Variants in RIPOR2 observed in about 807,000 individuals in gnomAD.
RIPOR2 encodes the protein rho family-interacting cell polarization regulator 2.
RIPOR2 carries 39 observed loss-of-function variants against 114.5 expected under a neutral mutation model. The ratio of observed to expected loss-of-function variants is 0.34; its 90% CI spans 0.26 to 0.44. RIPOR2 has a LOEUF of 0.44. Among genes scored for constraint, RIPOR2 ranks in the 20% least tolerant of loss-of-function variants. The pLI, the probability that RIPOR2 is intolerant of heterozygous loss-of-function variation, is 1.00. For missense variants in RIPOR2, 1,007 were observed against 1,255.1 expected (o/e 0.80, Z 2.99); for synonymous variants, 445 against 484.4 (o/e 0.92, Z 1.07).
At position 25,037,802 on chromosome 6, in the gene RIPOR2, G is replaced by A. The variant is rs947025497; in HGVS notation, c.76+4049C>T. ...AGTTTAATTTTGATGGAACCCAAACGGTTATTGAGTAGATGAGGTACCAGG... is the reference window on the plus strand; with the variant it reads ...AGTTTAATTTTGATGGAACCCAAACAGTTATTGAGTAGATGAGGTACCAGG... On this transcript the variant is annotated intron_variant, in intron 1 of 13. Coordinates refer to the RIPOR2 transcript ENST00000510784. This position sits in a 1 kb window ranked among gnomAD's most constrained non-coding sequence, Gnocchi z 4.5. Among the ~76,000 whole-genome samples, 3 of 151,748 alleles carry A rather than the reference G, an allele frequency of 2.0e-5. No individual in the cohort carries two copies. Among genetic ancestry groups the A allele is most frequent in the East Asian group, 1.9e-4 (1 of 5,206 alleles).
chr6:24,846,301 C>CTTT lies in RIPOR2; in HGVS notation c.1164+1721_1164+1723dup, dbSNP rs1233193249. Among the ~76,000 whole-genome samples the CTTT allele has an allele frequency of 7.1e-3, 649 of 91,434 alleles. 10 individuals carry two copies. The highest frequency in any genetic ancestry group is 0.02 in the East Asian group (48 of 2,396). 60.0% of individuals were successfully genotyped at this position (91,434 alleles called of 152,430 possible). A position where few individuals can be genotyped will look rare whatever the true frequency, so the allele number is the denominator to read the frequency against. On this transcript the variant is annotated intron_variant, in intron 12 of 21. Coordinates refer to ENST00000643898, the MANE Select transcript of RIPOR2 (RefSeq NM_001286445.3). ...GTTTAGCCTGGTCCTTTTCACCTGC[C>CTTT]TTTTTTTTTTTTTTTTTTTTTTTGA...
chr6:24,863,463 T>A (rs555877025), intron 7 of RIPOR2, among the ~76,000 whole-genome samples: 2 of 152,338 alleles, frequency 1.3e-5, no homozygotes, highest in East Asian at 3.9e-4. Context: ...ATTCTGCTGG[T>A]CAGTTATCTG....
Position 24,883,926 on chromosome 6 carries a change from C to T in RIPOR2, c.62-8109G>A, listed in dbSNP as rs1766569697. On this transcript the variant is annotated intron_variant, in intron 1 of 21. Transcript: ENST00000643898. This position sits in a 1 kb window ranked among gnomAD's most constrained non-coding sequence, Gnocchi z 4.1. Reference sequence around the variant, plus strand: ...AAAAGCAGATGTATAATTGACTTGTCTGAAAGAGGCATGTGGGCCAGATGT... The same window carrying T: ...AAAAGCAGATGTATAATTGACTTGTTTGAAAGAGGCATGTGGGCCAGATGT... 1.3e-5 allele frequency among the ~76,000 whole-genome samples: 2 copies of T among 152,132 alleles called. No individual in the cohort carries two copies. Among genetic ancestry groups the T allele is most frequent in the African/African-American group, 4.8e-5 (2 of 41,420 alleles).
chr6:24,830,409 T>A, intron 17 of RIPOR2, 100 bp downstream of exon 17: 3 of 935,810 alleles, frequency 3.2e-6, no homozygotes, highest in South Asian at 3.3e-5. Context: ...GTTTCCCATC[T>A]GCAGGCAAGT....
chr6:24,954,737 T>G (rs1038878603), intron 1 of RIPOR2, among the ~76,000 whole-genome samples: 2 of 152,126 alleles, frequency 1.3e-5, no homozygotes, highest in African/African-American at 2.4e-5. Context: ...TGTGAACCAC[T>G]GCACTCAGCC....
chr6:25,018,599 C>T (rs1776138651), intron 1 of RIPOR2, among the ~76,000 whole-genome samples: 1 of 152,194 alleles, frequency 6.6e-6, no homozygotes, highest in Admixed American at 6.5e-5. Flanking sequence ...GAATTTTCCA[C>T]ATTTTGGTTT....
chr6:24,991,848 C>T (rs556071779), intron 1 of RIPOR2, among the ~76,000 whole-genome samples: 10 of 152,318 alleles, frequency 6.6e-5, no homozygotes, highest in Admixed American at 1.3e-4. Flanking sequence ...AACCTGCTTA[C>T]TCCAGACCTT....
intron 1 of RIPOR2, among the ~76,000 whole-genome samples, chr6:25,001,854 C>A (rs1358386615): frequency 6.6e-6 from 1 of 151,384 alleles, no homozygotes. Context: ...CGCGTGCCAC[C>A]ATGCCTGGCT....
intron 1 of RIPOR2, chr6:25,031,145 G>T: frequency 6.6e-6 from 1 of 152,488 alleles, no homozygotes; most frequent in Non-Finnish European, 1.5e-5. Context: ...GTGGTCCCTC[G>T]CTCCCAGGAG....
At chr6:24,873,297 A>G (rs1765395199) in intron 3 of RIPOR2, among the ~76,000 whole-genome samples, 1 of 152,248 alleles carries the variant, frequency 6.6e-6, no homozygotes. Context: ...TGAATGTCCC[A>G]TTGCACACTA....
intron 1 of RIPOR2, among the ~76,000 whole-genome samples, chr6:25,028,752 T>C (rs1395253993): frequency 1.3e-5 from 2 of 152,348 alleles, no homozygotes; most frequent in East Asian, 3.9e-4. Context: ...AATGAGATAA[T>C]GCATGTGAAA....
At chr6:24,880,534 A>G (rs1766245628) in intron 1 of RIPOR2, among the ~76,000 whole-genome samples, 1 of 152,192 alleles carries the variant, frequency 6.6e-6, no homozygotes, top group African/African-American at 2.4e-5. Flanking sequence ...TATTTTTCAT[A>G]TAATGTAAAA....
intron 1 of RIPOR2, among the ~76,000 whole-genome samples, chr6:24,999,730 G>C (rs1264285282): frequency 6.6e-6 from 1 of 151,800 alleles, no homozygotes; most frequent in Non-Finnish European, 1.5e-5. Flanking sequence ...TAATTTTTTT[G>C]TATTTTTAGT....
chr6:24,994,572 TGTAGAAGA>T (rs961729379), intron 1 of RIPOR2, among the ~76,000 whole-genome samples: 1 of 152,174 alleles, frequency 6.6e-6, no homozygotes, highest in African/African-American at 2.4e-5. Context: ...TATTCTCACC[TGTAGAAGA>T]GCAAAGAAGA....
intron 11 of RIPOR2, 63 bp from the exon 12 acceptor site, chr6:24,848,217 C>G: frequency 6.4e-7 from 1 of 1,561,190 alleles, no homozygotes; most frequent in Non-Finnish European, 8.8e-7. Context: ...CAACAGACCA[C>G]AGGCTAAGAG....
At chr6:24,995,145 G>A (rs1774991991) in intron 1 of RIPOR2, among the ~76,000 whole-genome samples, 1 of 152,076 alleles carries the variant, frequency 6.6e-6, no homozygotes, top group African/African-American at 2.4e-5. Flanking sequence ...TTATTATGAG[G>A]GTTTTGTGCT....
intron 1 of RIPOR2, among the ~76,000 whole-genome samples, chr6:24,878,352 C>T (rs1562303724): frequency 6.6e-6 from 1 of 152,070 alleles, no homozygotes; most frequent in African/African-American, 2.4e-5. Flanking sequence ...AACTATCATG[C>T]TTTCTTAATA....
chr6:24,978,816 G>T (rs1423813399), intron 1 of RIPOR2, among the ~76,000 whole-genome samples: 2 of 152,156 alleles, frequency 1.3e-5, no homozygotes. Context: ...TTAAATAGAT[G>T]AAACATGTAA....
rs1037253971 is a variant in RIPOR2, at chr6:24,945,899, T to A, written c.77-70082A>T. 8.5e-5 allele frequency among the ~76,000 whole-genome samples: 13 copies of A among 152,082 alleles called. No homozygotes were observed. In the South Asian group the frequency reaches 2.3e-3, roughly 27 times the overall value. On this transcript the variant is annotated intron_variant, in intron 1 of 13. Coordinates refer to the RIPOR2 transcript ENST00000510784. Reference sequence around the variant, plus strand: ...CTTGGCTTCTTAGTGCTTACACCTATATAAATAAAATATGAATATTTTTAC... The same window carrying A: ...CTTGGCTTCTTAGTGCTTACACCTAAATAAATAAAATATGAATATTTTTAC...
Sources: gnomAD v4.1 joint callset for allele counts (sites outside exome capture counted in the v4.1 genomes callset) on GRCh38, gnomAD v4.1.1 for gene constraint, Gnocchi (gnomAD v3.1) non-coding constraint, MANE v1.5 for transcripts, NCBI Gene and HGNC (gene_info 2026-07-23, HGNC 2026-07-21) for gene names.